Variants in FBXO8 observed in about 807,000 individuals in gnomAD.
The protein encoded by FBXO8 is F-box only protein 8.
In FBXO8, 15 loss-of-function variants were observed where a neutral mutation model predicts 33.4. The ratio of observed to expected loss-of-function variants is 0.45; its 90% CI spans 0.30 to 0.69. The LOEUF (loss-of-function observed/expected upper bound fraction) is 0.69. Ranked by LOEUF, FBXO8 falls within the 30% of genes least tolerant of loss-of-function variation. FBXO8 has a pLI of 0.08. For synonymous variants in FBXO8, 132 were observed against 131.5 expected (o/e 1.00, Z -0.02); for missense variants, 274 against 380.3 (o/e 0.72, Z 2.32).
intron 1 of FBXO8, among the ~76,000 whole-genome samples, chr4:174,268,736 G>A (rs1398177490): frequency 1.3e-5 from 2 of 151,994 alleles, no homozygotes; most frequent in Admixed American, 6.6e-5. Flanking sequence ...GCGCCCGGCC[G>A]GGGGCCGTTT....
rs977893255 is a variant in FBXO8 at position 174,272,952 on chromosome 4, T to A, written c.-8-9852A>T. On this transcript the variant is annotated intron_variant, in intron 1 of 5. Coordinates refer to ENST00000393674, the MANE Select transcript of FBXO8 (RefSeq NM_012180.3). This position sits in a 1 kb window ranked among gnomAD's most constrained non-coding sequence, Gnocchi z 4.7. ...TCCATAATCTGAATTTAATAGGGAA[T>A]ATCAGAGAAACTCAAAAGGCAGTCT... 2.0e-5 allele frequency among the ~76,000 whole-genome samples: 3 copies of A among 152,142 alleles called. No individual in the cohort carries two copies. The highest frequency in any genetic ancestry group is 4.4e-5 in the Non-Finnish European group (3 of 68,020).
chr4:174,269,311 G>A (rs1736775620), intron 1 of FBXO8: 3 of 147,188 alleles, frequency 2.0e-5, no homozygotes, highest in African/African-American at 2.5e-5. Context: ...CCTTTCCAAG[G>A]AAATAAAAAC....
At chr4:174,246,159 G>C (rs1347655106) in intron 3 of FBXO8, among the ~76,000 whole-genome samples, 1 of 151,924 alleles carries the variant, frequency 6.6e-6, no homozygotes, top group African/African-American at 2.4e-5. Flanking sequence ...TCGAGTTAAA[G>C]AACAGGGTGT....
intron 3 of FBXO8, among the ~76,000 whole-genome samples, chr4:174,246,678 G>C (rs1247182567): frequency 6.6e-6 from 1 of 151,946 alleles, no homozygotes; most frequent in African/African-American, 2.4e-5. Context: ...TGATGTGCGG[G>C]AGATTTTGCT....
In FBXO8 at chr4:174,270,091, T is replaced by C. The variant is rs2126444589; in HGVS notation, c.-8-6991A>G. On this transcript the variant is annotated intron_variant, in intron 1 of 5. Transcript: ENST00000393674. The surrounding 1 kb of genome is among the most constrained non-coding windows in gnomAD (Gnocchi z 4.6). ...CTGACATGAATGGCTACTGAATGGCTACTGAATGTGGACTGGCAACCAAAC... is the reference window on the plus strand; with the variant it reads ...CTGACATGAATGGCTACTGAATGGCCACTGAATGTGGACTGGCAACCAAAC... Among the ~76,000 whole-genome samples, 1 of 152,358 alleles carries C rather than the reference T, an allele frequency of 6.6e-6. No individual in the cohort carries two copies. Among genetic ancestry groups the C allele is most frequent in the Admixed American group, 6.5e-5 (1 of 15,302 alleles).
Position 174,283,566 on chromosome 4 carries a change from T to C in FBXO8, c.-165A>G, listed in dbSNP as rs1337624907. On this transcript the variant is annotated 5_prime_UTR_variant, in exon 1 of 6. Coordinates refer to ENST00000393674, the MANE Select transcript of FBXO8 (RefSeq NM_012180.3). This position sits in a 1 kb window ranked among gnomAD's most constrained non-coding sequence, Gnocchi z 6.7. ...TCCACACCGGTAGAGGTGACCGCGA[T>C]GAGAATACCAGAAACAGCACTACGA... 8.2e-6 allele frequency: 2 copies of C among 244,452 alleles called. No homozygotes were observed. The highest frequency in any genetic ancestry group is 1.5e-5 in the Non-Finnish European group (2 of 129,092). 15.1% of individuals were successfully genotyped at this position (244,452 alleles called of 1,614,324 possible). A position where few individuals can be genotyped will look rare whatever the true frequency, so the allele number is the denominator to read the frequency against.
rs182882324 is a variant in FBXO8, at chr4:174,255,126, T to C, written c.456+4573A>G. ...ATCATGTTCAAATTAGACTTAAGAA[T>C]TCCTTTTTAACTGTGTATTCCCAAG... On this transcript the variant is annotated intron_variant, in intron 3 of 5. Coordinates refer to ENST00000393674, the MANE Select transcript of FBXO8 (RefSeq NM_012180.3). This position sits in a 1 kb window ranked among gnomAD's most constrained non-coding sequence, Gnocchi z 4.3. Among the ~76,000 whole-genome samples, 314 of 152,250 alleles carry C rather than the reference T, an allele frequency of 2.1e-3. 2 individuals are homozygous for C. The highest frequency in any genetic ancestry group is 3.3e-3 in the Admixed American group (51 of 15,294).
Position 174,259,114 on chromosome 4 carries a change from T to C in FBXO8, c.456+585A>G, listed in dbSNP as rs910239480. On this transcript the variant is annotated intron_variant, in intron 3 of 5. Coordinates refer to ENST00000393674, the MANE Select transcript of FBXO8 (RefSeq NM_012180.3). This position sits in a 1 kb window ranked among gnomAD's most constrained non-coding sequence, Gnocchi z 4.3. ...GAGAAAAAAAAAATCAGTGAAAAAG[T>C]TGTTTTCACATTTTGATCATGCTTA... Among the ~76,000 whole-genome samples the C allele has an allele frequency of 6.6e-6, 1 of 151,932 alleles. No individual in the cohort carries two copies. The highest frequency in any genetic ancestry group is 2.4e-5 in the African/African-American group (1 of 41,420).
rs1367311886 is a variant in FBXO8, at chr4:174,257,139, A to G, written c.456+2560T>C. On this transcript the variant is annotated intron_variant, in intron 3 of 5. Coordinates refer to ENST00000393674, the MANE Select transcript of FBXO8 (RefSeq NM_012180.3). The surrounding 1 kb of genome is among the most constrained non-coding windows in gnomAD (Gnocchi z 4.3). ...AAACACCCTAGAGGAGGTACTAACA[A>G]GAACTGTATAGTTTGATATTGGTAG... is the stretch of plus-strand genomic sequence containing the variant. 6.6e-6 allele frequency among the ~76,000 whole-genome samples: 1 copy of G among 152,152 alleles called. No homozygotes were observed.
In FBXO8 at chr4:174,275,462, A is replaced by G. The variant is rs1014736317; in HGVS notation, c.-9+7948T>C. On this transcript the variant is annotated intron_variant, in intron 1 of 5. Transcript: ENST00000393674. The surrounding 1 kb of genome is among the most constrained non-coding windows in gnomAD (Gnocchi z 4.4). ...CTATTACCAATCAGAGAAACTAGGT[A>G]AAGTGTACAAGGGATGACTCTATAT... Among the ~76,000 whole-genome samples the G allele has an allele frequency of 2.0e-5, 3 of 152,200 alleles. No individual in the cohort carries two copies. The highest frequency in any genetic ancestry group is 4.8e-5 in the African/African-American group (2 of 41,456).
rs1392643336 is a variant in FBXO8, at chr4:174,239,194, C to A, written c.576-4G>T. On this transcript the variant is annotated splice_region_variant and splice_polypyrimidine_tract_variant and intron_variant, in intron 4 of 5. Transcript: ENST00000393674. ...AAGGTCATCCAAGACATCTCTCCTA[C>A]AGAAAGAAAAAAAGGCACAGCTTTG... 2.7e-6 allele frequency: 4 copies of A among 1,508,864 alleles called. No homozygotes were observed. The highest frequency in any genetic ancestry group is 4.4e-5 in the Admixed American group (2 of 45,004). The allele number at this position is 1,508,864 out of a possible 1,614,324, so 93.5% of individuals were successfully genotyped here. A position where few individuals can be genotyped will look rare whatever the true frequency, so the allele number is the denominator to read the frequency against.
chr4:174,237,366 T>G lies in FBXO8; in HGVS notation c.*46A>C, dbSNP rs777194004. ...CCCCCATATCTGCTAAGTCCTTGGGTAGCTTTAGTCTGAAGTAAAAACTGA... is the reference window on the plus strand; with the variant it reads ...CCCCCATATCTGCTAAGTCCTTGGGGAGCTTTAGTCTGAAGTAAAAACTGA... On this transcript the variant is annotated 3_prime_UTR_variant, in exon 6 of 6. Coordinates refer to ENST00000393674, the MANE Select transcript of FBXO8 (RefSeq NM_012180.3). The surrounding 1 kb of genome is among the most constrained non-coding windows in gnomAD (Gnocchi z 4.4). The G allele has an allele frequency of 5.8e-6, 9 of 1,541,598 alleles. No individual in the cohort carries two copies. Among genetic ancestry groups the G allele is most frequent in the Non-Finnish European group, 8.0e-6 (9 of 1,127,472 alleles).
At position 174,259,621 on chromosome 4, in the gene FBXO8, C is replaced by A. The variant is rs1288281975; in HGVS notation, c.456+78G>T. ...GTTCAATGACTTTTTGTTTTCCCTGCTAGTTTATGATATTGGAAAGCTGCA... is the reference window on the plus strand; with the variant it reads ...GTTCAATGACTTTTTGTTTTCCCTGATAGTTTATGATATTGGAAAGCTGCA... On this transcript the variant is annotated intron_variant, in intron 3 of 5. Transcript: ENST00000393674. This position sits in a 1 kb window ranked among gnomAD's most constrained non-coding sequence, Gnocchi z 4.3. 4.6e-6 allele frequency: 7 copies of A among 1,522,944 alleles called. No homozygotes were observed. The highest frequency in any genetic ancestry group is 5.3e-6 in the Non-Finnish European group (6 of 1,133,698). 94.3% of individuals were successfully genotyped at this position (1,522,944 alleles called of 1,614,324 possible).
In FBXO8 at chr4:174,237,632, G is replaced by C. The variant is rs1261057709; in HGVS notation, c.773-33C>G. On this transcript the variant is annotated intron_variant, in intron 5 of 5. Coordinates refer to ENST00000393674, the MANE Select transcript of FBXO8 (RefSeq NM_012180.3). This position sits in a 1 kb window ranked among gnomAD's most constrained non-coding sequence, Gnocchi z 4.4. ...GAAAAAGAAACAGTTCAAATTATTA[G>C]TTGGTTTACAAAATATGATTCCAAT... 1.3e-6 allele frequency: 2 copies of C among 1,545,668 alleles called. No individual in the cohort carries two copies. Among genetic ancestry groups the C allele is most frequent in the African/African-American group, 2.8e-5 (2 of 72,574 alleles).
At position 174,253,225 on chromosome 4, in the gene FBXO8, T is replaced by G. The variant is rs1736336919; in HGVS notation, c.456+6474A>C. Among the ~76,000 whole-genome samples, 1 of 152,112 alleles carries G rather than the reference T, an allele frequency of 6.6e-6. No homozygotes were observed. Among genetic ancestry groups the G allele is most frequent in the African/African-American group, 2.4e-5 (1 of 41,442 alleles). ...TAGGCCCAGTGTGATTTTTAAAAAA[T>G]TACTTTTATCATAGGATATAGTGCC... On this transcript the variant is annotated intron_variant, in intron 3 of 5. Transcript: ENST00000393674. This position sits in a 1 kb window ranked among gnomAD's most constrained non-coding sequence, Gnocchi z 4.5.
At position 174,246,871 on chromosome 4, in the gene FBXO8, T is replaced by G. The variant is rs148158523; in HGVS notation, c.457-5653A>C. ...CTTTCTTAGGTCTATCTGGGGAGCATTGGAAAAGAGAGGGCTGATTTGGAT... is the reference window on the plus strand; with the variant it reads ...CTTTCTTAGGTCTATCTGGGGAGCAGTGGAAAAGAGAGGGCTGATTTGGAT... On this transcript the variant is annotated intron_variant, in intron 3 of 5. Transcript: ENST00000393674. Among the ~76,000 whole-genome samples, 537 of 152,036 alleles carry G rather than the reference T, an allele frequency of 3.5e-3. 2 individuals carry two copies. Among genetic ancestry groups the G allele is most frequent in the Middle Eastern group, 0.014 (4 of 294 alleles).
intron 3 of FBXO8, among the ~76,000 whole-genome samples, chr4:174,246,169 T>C (rs1385839812): frequency 1.3e-5 from 2 of 151,896 alleles, no homozygotes; most frequent in African/African-American, 4.8e-5. Flanking sequence ...GAACAGGGTG[T>C]CTAGTGCAAT....
intron 1 of FBXO8, among the ~76,000 whole-genome samples, chr4:174,276,934 G>A (rs1736973902): frequency 6.6e-6 from 1 of 152,136 alleles, no homozygotes; most frequent in Admixed American, 6.5e-5. Context: ...GTGGCTATGA[G>A]CCTTAACTAA....
Position 174,239,098 on chromosome 4 carries a change from G to A in FBXO8, c.668C>T (p.Ala223Val), listed in dbSNP as rs778053526. The A allele has an allele frequency of 1.2e-6, 2 of 1,608,244 alleles. No homozygotes were observed. The highest frequency in any genetic ancestry group is 2.2e-5 in the East Asian group (1 of 44,638). The stretch of plus-strand genomic sequence containing the variant: ...AAGATACTCTCCACGCTCTTCAGGG[G>A]CATGGATATGACGAAAAAATTCTCT... ...ALREFFRHIH[A>V]PEERGEYLET... is the part of the protein sequence containing the mutation. The change falls in exon 5 of 6, where the codon GCC (alanine) becomes GTC (valine). Residue 223 changes from alanine to valine, a missense_variant. This residue lies in a region of FBXO8 where 186 missense variants were observed against 293.4 expected (regional missense o/e 0.63). Transcript: ENST00000393674.
Sources: allele counts gnomAD v4.1 joint callset (sites outside exome capture counted in the v4.1 genomes callset), GRCh38; gene constraint gnomAD v4.1.1; regional missense constraint gnomAD v4.1.1; non-coding constraint Gnocchi (gnomAD v3.1); transcripts MANE v1.5; gene names NCBI Gene and HGNC (gene_info 2026-07-23, HGNC 2026-07-21).